PTDSS1: variants seen among roughly 807,000 people sequenced by gnomAD.
The protein encoded by PTDSS1 is phosphatidylserine synthase 1, also known as PSS-1.
A neutral mutation model predicts 70.5 loss-of-function variants in PTDSS1; 45 were observed. The observed-to-expected ratio is 0.64, with a 90% CI of 0.50 to 0.82. PTDSS1 has a LOEUF of 0.82. PTDSS1 is among the 40% of genes least tolerant of loss of function. PTDSS1 has a pLI of 0.00. For missense variants in PTDSS1, 417 were observed against 586.1 expected (o/e 0.71, Z 2.98); for synonymous variants, 188 against 203.8 (o/e 0.92, Z 0.66).
chr8:96,268,634 CTTT>C (rs78192816), intron 1 of PTDSS1, among the ~76,000 whole-genome samples: 17 of 137,086 alleles, frequency 1.2e-4, no homozygotes, highest in Non-Finnish European at 1.8e-4. Flanking sequence ...GGAGTGCAAA[CTTT>C]TTTTTTTTTT....
chr8:96,305,951 G>T (rs1811116386), intron 7 of PTDSS1, among the ~76,000 whole-genome samples: 1 of 152,146 alleles, frequency 6.6e-6, no homozygotes, highest in South Asian at 2.1e-4. Context: ...AAAGTGCTGG[G>T]GTTACAGGCA....
chr8:96,325,342 T>C (rs1310981405), intron 10 of PTDSS1, among the ~76,000 whole-genome samples: 2 of 152,198 alleles, frequency 1.3e-5, no homozygotes, highest in Non-Finnish European at 2.9e-5. Flanking sequence ...TATGTTAATA[T>C]GTGATAAATA....
intron 9 of PTDSS1, among the ~76,000 whole-genome samples, chr8:96,313,339 G>C (rs140412604): frequency 4.6e-5 from 7 of 152,218 alleles, no homozygotes; most frequent in Admixed American, 1.3e-4. Flanking sequence ...GAAAGCAGCC[G>C]TGTGGAAAGG....
chr8:96,291,868 G>A (rs181181905), intron 4 of PTDSS1, among the ~76,000 whole-genome samples: 1 of 152,168 alleles, frequency 6.6e-6, no homozygotes, highest in Non-Finnish European at 1.5e-5. Context: ...ACACTAGGAG[G>A]CACACAGTGT....
At chr8:96,296,799 C>A (rs1810982453) in intron 5 of PTDSS1, among the ~76,000 whole-genome samples, 1 of 152,210 alleles carries the variant, frequency 6.6e-6, no homozygotes, top group Non-Finnish European at 1.5e-5. Context: ...ATGTGAAGCC[C>A]ACGTTCCTGC....
intron 6 of PTDSS1, among the ~76,000 whole-genome samples, chr8:96,300,157 C>A (rs767271863): frequency 1.3e-5 from 2 of 152,152 alleles, no homozygotes; most frequent in African/African-American, 2.4e-5. Flanking sequence ...AGACTCCCAT[C>A]CCTGGATCAA....
intron 3 of PTDSS1, among the ~76,000 whole-genome samples, chr8:96,285,082 AT>A (rs1810802718): frequency 6.6e-6 from 1 of 152,242 alleles, no homozygotes; most frequent in African/African-American, 2.4e-5. Context: ...AATCAAAAAA[AT>A]ATCAGCTATC....
At chr8:96,306,791 T>G (rs946956586) in intron 8 of PTDSS1, among the ~76,000 whole-genome samples, 17 of 152,366 alleles carry the variant, frequency 1.1e-4, no homozygotes, top group African/African-American at 4.1e-4. Context: ...TATCCATTAT[T>G]ATCAGATTCC....
chr8:96,302,156 TC>T (rs921451639), intron 6 of PTDSS1, among the ~76,000 whole-genome samples: 24 of 151,996 alleles, frequency 1.6e-4, no homozygotes, highest in Admixed American at 2.6e-4. Flanking sequence ...GTGCCTGTAA[TC>T]CCCAGGTGGG....
In PTDSS1 at chr8:96,330,467, C is replaced by T. The variant is rs969282024; in HGVS notation, c.1242+186C>T. 32 of 596,218 alleles carry T rather than the reference C, an allele frequency of 5.4e-5. 1 individual carries two copies. The highest frequency in any genetic ancestry group is 1.9e-4 in the African/African-American group (10 of 52,606). 36.9% of individuals were successfully genotyped at this position (596,218 alleles called of 1,614,324 possible). A position where few individuals can be genotyped will look rare whatever the true frequency, so the allele number is the denominator to read the frequency against. On this transcript the variant is annotated intron_variant, in intron 11 of 12. Transcript: ENST00000517309. The stretch of plus-strand genomic sequence containing the variant: ...TAGCCATTGCTGGCCCTGCTTGTGA[C>T]GGCTCTGTTCAGTAGACCAATATTT...
chr8:96,286,913 C>A, intron 3 of PTDSS1, 109 bp from the exon 4 acceptor site: 1 of 1,368,432 alleles, frequency 7.3e-7, no homozygotes. Context: ...ACAGGCTGTG[C>A]TGCAATCTTA....
At chr8:96,272,696 C>G (rs968173023) in intron 1 of PTDSS1, among the ~76,000 whole-genome samples, 1 of 152,164 alleles carries the variant, frequency 6.6e-6, no homozygotes, top group Non-Finnish European at 1.5e-5. Flanking sequence ...TTCCATTTCG[C>G]AAACTTGTGA....
intron 10 of PTDSS1, among the ~76,000 whole-genome samples, chr8:96,327,690 C>T (rs1811457041): frequency 6.6e-6 from 1 of 152,076 alleles, no homozygotes; most frequent in Non-Finnish European, 1.5e-5. Context: ...ATAAGCTTTT[C>T]CAGGAGCGTG....
At chr8:96,294,894 G>A (rs1586194511) in intron 4 of PTDSS1, among the ~76,000 whole-genome samples, 2 of 152,288 alleles carry the variant, frequency 1.3e-5, no homozygotes, top group South Asian at 4.1e-4. Flanking sequence ...TTGCAATTCA[G>A]AGCAAAGCAG....
chr8:96,267,226 G>T (rs534484272), intron 1 of PTDSS1, among the ~76,000 whole-genome samples: 2 of 152,314 alleles, frequency 1.3e-5, no homozygotes, highest in South Asian at 4.1e-4. Context: ...CGGTCAGCCT[G>T]CACTGCTTCC....
At chr8:96,288,370 G>A (rs1810852615) in intron 4 of PTDSS1, among the ~76,000 whole-genome samples, 1 of 152,100 alleles carries the variant, frequency 6.6e-6, no homozygotes, top group African/African-American at 2.4e-5. Flanking sequence ...TGTTGCCTAG[G>A]CTGGAGTGCA....
At chr8:96,269,637 T>G (rs1443759842) in intron 1 of PTDSS1, among the ~76,000 whole-genome samples, 1 of 152,140 alleles carries the variant, frequency 6.6e-6, no homozygotes, top group Non-Finnish European at 1.5e-5. Context: ...CACAAAGCCG[T>G]AGGAGACAAT....
rs114836453 is a variant in PTDSS1 at position 96,291,107 on chromosome 8, C to T, written c.441+3961C>T. ...AGCAGCAGTCTTTGGCTAATTAATG[C>T]TGACCCAGCTTTTCTTCTGCATAAG... is the stretch of plus-strand genomic sequence containing the variant. On this transcript the variant is annotated intron_variant, in intron 4 of 12. Coordinates refer to ENST00000517309, the MANE Select transcript of PTDSS1 (RefSeq NM_014754.3). Among the ~76,000 whole-genome samples the T allele has an allele frequency of 3.6e-3, 546 of 152,086 alleles. 1 individual carries two copies. The highest frequency in any genetic ancestry group is 0.012 in the African/African-American group (502 of 41,504).
At chr8:96,271,579 T>G (rs1810566506) in intron 1 of PTDSS1, among the ~76,000 whole-genome samples, 1 of 152,212 alleles carries the variant, frequency 6.6e-6, no homozygotes, top group Non-Finnish European at 1.5e-5. Flanking sequence ...GTAAAATTGC[T>G]GAGTCACAGA....
Sources: allele counts gnomAD v4.1 joint callset (sites outside exome capture counted in the v4.1 genomes callset), GRCh38; gene constraint gnomAD v4.1.1; transcripts MANE v1.5; gene names NCBI Gene and HGNC (gene_info 2026-07-23, HGNC 2026-07-21).